The following PDIA4 variants were observed in gnomAD, a reference collection of about 807,000 sequenced individuals.
PDIA4 encodes the protein protein disulfide isomerase family A member 4.
Under a neutral mutation model 62.1 loss-of-function variants are expected in PDIA4, and 33 were observed. The observed-to-expected ratio is 0.53, with a 90% CI of 0.40 to 0.71. PDIA4 has a LOEUF of 0.71. Among genes scored for constraint, PDIA4 ranks in the 30% least tolerant of loss-of-function variants. The pLI is 0.00. For synonymous variants in PDIA4, 341 were observed against 324.1 expected (o/e 1.05, Z -0.56); for missense variants, 804 against 813.6 (o/e 0.99, Z 0.14).
At chr7:149,006,106 C>A in intron 7 of PDIA4, 53 bp from the exon 8 acceptor site, 1 of 1,519,784 alleles carries the variant, frequency 6.6e-7, no homozygotes, top group African/African-American at 1.5e-5. Context: ...CACCATTGTT[C>A]TTGAGTACAA....
Position 149,012,330 on chromosome 7 carries a change from C to T in PDIA4, c.645G>A (p.Glu215=). The change falls in exon 5 of 10, where the codon GAG becomes GAA. Residue 215 remains glutamate (E), a synonymous_variant. Transcript: ENST00000652332. The part of the protein sequence containing the change: ...WCGHCKKLAP[E]YEKAAKELSK... The stretch of plus-strand genomic sequence containing the variant: ...TGAGCTCCTTGGCGGCCTTCTCATA[C>T]TCGGGGGCAAGTTTCTTGCAGTGTC... The T allele has an allele frequency of 6.2e-7, 1 of 1,613,676 alleles. No homozygotes were observed.
intron 3 of PDIA4, among the ~76,000 whole-genome samples, chr7:149,016,518 A>T (rs1159992490): frequency 2.6e-5 from 4 of 151,436 alleles, no homozygotes; most frequent in Admixed American, 2.6e-4. Flanking sequence ...AACCTGTTAC[A>T]CTAGTACCTT....
intron 1 of PDIA4, among the ~76,000 whole-genome samples, chr7:149,024,806 C>T: frequency 1.0e-5 from 1 of 99,948 alleles, no homozygotes; most frequent in African/African-American, 4.0e-5. Flanking sequence ...CCGAGCAAGA[C>T]TGTCATTTAA....
chr7:149,006,744 A>G (rs1480289105), intron 7 of PDIA4, among the ~76,000 whole-genome samples: 1 of 152,214 alleles, frequency 6.6e-6, no homozygotes, highest in Non-Finnish European at 1.5e-5. Context: ...TGTGCTGAAA[A>G]GGTGGGTAAG....
chr7:149,025,517 T>C (rs1244019584), intron 1 of PDIA4, among the ~76,000 whole-genome samples: 3 of 152,250 alleles, frequency 2.0e-5, no homozygotes, highest in Admixed American at 2.0e-4. Flanking sequence ...GGCACTGTGC[T>C]GGGCTCTTAA....
Position 149,014,990 on chromosome 7 carries a change from T to C in PDIA4, c.528A>G (p.Pro176=). ...CTTTGGTCAACACAAGCGTGACTTC[T>C]GGTGGAGGCGTCCAGTCGGGCTGGG... ...EVSQPDWTPP[P]EVTLVLTKEN... The change falls in exon 4 of 10, where the codon CCA becomes CCG. Residue 176 remains proline (P), a synonymous_variant. Coordinates refer to ENST00000652332, the MANE Select transcript of PDIA4 (RefSeq NM_004911.5). 11 of 1,614,198 alleles carry C rather than the reference T, an allele frequency of 6.8e-6. No individual in the cohort carries two copies. The highest frequency in any genetic ancestry group is 9.3e-6 in the Non-Finnish European group (11 of 1,179,996).
At chr7:149,008,052 G>T in intron 7 of PDIA4, 107 bp downstream of exon 7, 1 of 1,078,688 alleles carries the variant, frequency 9.3e-7, no homozygotes, top group Non-Finnish European at 1.3e-6. Flanking sequence ...TCCAGACCCT[G>T]CAGACAAGAG....
At position 149,004,137 on chromosome 7, in the gene PDIA4, C is replaced by T. The variant is rs146954970; in HGVS notation, c.1595G>A (p.Gly532Glu). The T allele has an allele frequency of 6.3e-4, 1,020 of 1,614,110 alleles. 1 individual carries two copies. The highest frequency in any genetic ancestry group is 8.0e-4 in the Non-Finnish European group (948 of 1,179,984). The change falls in exon 10 of 10, where the codon GGA (glycine) becomes GAA (glutamate). Residue 532 changes from glycine (G) to glutamate (E), a missense_variant. Physicochemically the swap from Gly to Glu is moderately conservative, Grantham distance 98. Transcript: ENST00000652332. Reference protein sequence around the residue: ...NNKGPVKVVVGKTFDSIVMDP... With the variant: ...NNKGPVKVVVEKTFDSIVMDP... ...CATCACAATGGAGTCAAAGGTCTTT[C>T]CCACCACGACCTTGACGGGTCCCTT...
intron 3 of PDIA4, among the ~76,000 whole-genome samples, chr7:149,016,728 G>A (rs897042676): frequency 6.6e-6 from 1 of 152,018 alleles, no homozygotes; most frequent in African/African-American, 2.4e-5. Flanking sequence ...AGCCAGGATG[G>A]TCTCGATCTC....
At chr7:149,020,753 CAAG>C (rs1159358643) in intron 2 of PDIA4, among the ~76,000 whole-genome samples, 2 of 152,180 alleles carry the variant, frequency 1.3e-5, no homozygotes, top group Non-Finnish European at 2.9e-5. Flanking sequence ...TGGACTGAGA[CAAG>C]AAGACATCGC....
Position 149,003,672 on chromosome 7 carries a change from A to AT in PDIA4, c.*121dup. ...GAAGTGAAACACCAAAGTATAAAAAATTAAAAAAAAAAAAAAAGGAATCCG... is the reference window on the plus strand; with the variant it reads ...GAAGTGAAACACCAAAGTATAAAAAATTTAAAAAAAAAAAAAAAGGAATCCG... On this transcript the variant is annotated 3_prime_UTR_variant, in exon 10 of 10. Coordinates refer to ENST00000652332, the MANE Select transcript of PDIA4 (RefSeq NM_004911.5). 1.4e-6 allele frequency: 1 copy of AT among 689,704 alleles called. No homozygotes were observed. Among genetic ancestry groups the AT allele is most frequent in the Non-Finnish European group, 2.2e-6 (1 of 453,122 alleles). 42.7% of individuals were successfully genotyped at this position (689,704 alleles called of 1,614,324 possible).
Position 149,005,371 on chromosome 7 carries a change from G to A in PDIA4, c.1292C>T (p.Thr431Ile). The A allele has an allele frequency of 6.2e-7, 1 of 1,611,394 alleles. No individual in the cohort carries two copies. Among genetic ancestry groups the A allele is most frequent in the East Asian group, 2.2e-5 (1 of 44,868 alleles). Residue 431 changes from threonine (T) to isoleucine (I), a missense_variant, in exon 9 of 10, where the codon ACT becomes ATT. Coordinates refer to ENST00000652332, the MANE Select transcript of PDIA4 (RefSeq NM_004911.5). ...TAGGACTTTGCTCCGCCAAAACTGA[G>A]TTGCTGAAAGGGACCAAGGGCCATA... The part of the protein sequence containing the change: ...VDFSFDYRAA[T>I]QFWRSKVLEV...
intron 1 of PDIA4, among the ~76,000 whole-genome samples, chr7:149,026,528 G>T (rs1426857288): frequency 6.6e-6 from 1 of 152,088 alleles, no homozygotes; most frequent in South Asian, 2.1e-4. Context: ...GCACGTGCCT[G>T]TGGTCCCAGC....
At position 149,012,163 on chromosome 7, in the gene PDIA4, T is replaced by C. The variant is rs1823967424; in HGVS notation, c.812A>G (p.Glu271Gly). ...GAAGGGAGTGGCCATACCATATTTT[T>C]CTCGTGGGCCGTTGTAGTCATAAGG... ...GRPYDYNGPR[E>G]KYGIVDYMIE... The change falls in exon 5 of 10, where the codon GAA (glutamate) becomes GGA (glycine). Residue 271 changes from glutamate to glycine, a missense_variant. Physicochemically the swap from Glu to Gly is moderately conservative, Grantham distance 98 (BLOSUM62 -2). Transcript: ENST00000652332. The C allele has an allele frequency of 1.2e-6, 2 of 1,614,064 alleles. No individual in the cohort carries two copies. The highest frequency in any genetic ancestry group is 1.7e-6 in the Non-Finnish European group (2 of 1,180,000).
At chr7:149,008,093 G>T in intron 7 of PDIA4, 66 bp downstream of exon 7, 1 of 1,465,614 alleles carries the variant, frequency 6.8e-7, no homozygotes, top group Non-Finnish European at 9.3e-7. Context: ...CCTCAGAGGT[G>T]GCTCAAAGCA....
chr7:149,004,560 C>CAT (rs749293530), intron 9 of PDIA4, among the ~76,000 whole-genome samples: 1 of 152,256 alleles, frequency 6.6e-6, no homozygotes, highest in Non-Finnish European at 1.5e-5. Context: ...ATCGGAACAG[C>CAT]ATGGCCTGCC....
In PDIA4 at chr7:149,012,272, C is replaced by T. The variant is rs760761181; in HGVS notation, c.703G>A (p.Val235Ile). 53 of 1,614,074 alleles carry T rather than the reference C, an allele frequency of 3.3e-5. No homozygotes were observed. The East Asian group carries it at 1.1e-3, about 33-fold the overall frequency. Residue 235 changes from valine (V) to isoleucine (I), a missense_variant, in exon 5 of 10, where the codon GTC (valine) becomes ATC (isoleucine). By Grantham distance (29) the Val-to-Ile change is conservative (BLOSUM62 3). Transcript: ENST00000652332. The stretch of plus-strand genomic sequence containing the variant: ...AGGTCTGTTTCTGCGGTGGCGTCGA[C>T]CTTTGCCAGGGGAATTGGAGGAGAA... ...KRSPPIPLAK[V>I]DATAETDLAK...
In PDIA4 at chr7:149,028,055, G is replaced by A. The variant is rs1268046493; in HGVS notation, c.88+266C>T. Reference sequence around the variant, plus strand: ...CGCTCTGCAGCCCTCTCCCAGCCTCGGGTGACAGGGGTCTTCCAGGGCGTC... The same window carrying A: ...CGCTCTGCAGCCCTCTCCCAGCCTCAGGTGACAGGGGTCTTCCAGGGCGTC... On this transcript the variant is annotated intron_variant, in intron 1 of 9. Coordinates refer to ENST00000652332, the MANE Select transcript of PDIA4 (RefSeq NM_004911.5). The A allele has an allele frequency of 1.1e-5, 7 of 629,874 alleles. No individual in the cohort carries two copies. In the Admixed American group the frequency reaches 1.4e-4, roughly 12 times the overall value. 39.0% of individuals were successfully genotyped at this position (629,874 alleles called of 1,614,324 possible).
rs771988421 is a variant in PDIA4, at chr7:149,012,346, T to C, written c.629A>G (p.Lys210Arg). ...EFYAPWCGHC[K>R]KLAPEYEKAA... ...CTTCTCATACTCGGGGGCAAGTTTC[T>C]TGCAGTGTCCACACCTGCCAAGAGG... The change falls in exon 5 of 10, where the codon AAG becomes AGG. Residue 210 changes from lysine to arginine, a missense_variant. Transcript: ENST00000652332. The C allele has an allele frequency of 3.7e-6, 6 of 1,613,152 alleles. No homozygotes were observed. The African/African-American group carries it at 6.7e-5, about 18-fold the overall frequency.
Sources: gnomAD v4.1 joint callset for allele counts (sites outside exome capture counted in the v4.1 genomes callset) on GRCh38, gnomAD v4.1.1 for gene constraint, MANE v1.5 for transcripts, NCBI Gene and HGNC (gene_info 2026-07-23, HGNC 2026-07-21) for gene names.